The following VMP1 variants were observed in gnomAD, a reference collection of about 807,000 sequenced individuals.
The protein encoded by VMP1 is vacuole membrane protein 1.
Under a neutral mutation model 56.0 loss-of-function variants are expected in VMP1, and 11 were observed. The ratio of observed to expected loss-of-function variants is 0.20; its 90% confidence interval spans 0.12 to 0.32. VMP1 has a LOEUF of 0.32. VMP1 is among the 10% of genes least tolerant of loss of function. VMP1 has a pLI of 1.00. For missense variants in VMP1, 296 were observed against 490.3 expected (o/e 0.60, Z 3.74); for synonymous variants, 149 against 165.0 (o/e 0.90, Z 0.74).
chr17:59,755,328 T>C (rs1013921061), intron 5 of VMP1, among the ~76,000 whole-genome samples: 3 of 152,192 alleles, frequency 2.0e-5, no homozygotes, highest in Admixed American at 6.5e-5. Context: ...CAGGCTGGTC[T>C]CGAACTCCTG....
Position 59,840,160 on chromosome 17 carries a change from T to C in VMP1, c.*249T>C. ...TGGAATGTGATGTTCAGCAGCAAACTTGCAACAGACTGGCCTTCTGTTTGT... is the reference window on the plus strand; with the variant it reads ...TGGAATGTGATGTTCAGCAGCAAACCTGCAACAGACTGGCCTTCTGTTTGT... On this transcript the variant is annotated 3_prime_UTR_variant, in exon 12 of 12. Transcript: ENST00000262291. 1 of 435,084 alleles carries C rather than the reference T, an allele frequency of 2.3e-6. No individual in the cohort carries two copies. The highest frequency in any genetic ancestry group is 4.0e-6 in the Non-Finnish European group (1 of 247,254). 27.0% of individuals were successfully genotyped at this position (435,084 alleles called of 1,614,324 possible).
intron 7 of VMP1, among the ~76,000 whole-genome samples, chr17:59,791,132 A>T (rs539850790): frequency 1.3e-5 from 2 of 151,654 alleles, no homozygotes; most frequent in East Asian, 3.9e-4. Context: ...CCTGTTTAGC[A>T]ATGCATTTTG....
chr17:59,784,544 C>T (rs149015775), intron 7 of VMP1, among the ~76,000 whole-genome samples: 8 of 152,292 alleles, frequency 5.3e-5, no homozygotes, highest in African/African-American at 1.9e-4. Context: ...TCTTATCTCT[C>T]CAGGAGTCTA....
chr17:59,785,791 G>A lies in VMP1; in HGVS notation c.714+11906G>A, dbSNP rs137969742. ...GTTGAGTATCGTTCATGAGTCTGCC[G>A]ACCATTTTAGGTTGAATATTTCCTC... On this transcript the variant is annotated intron_variant, in intron 7 of 11. Transcript: ENST00000262291. Among the ~76,000 whole-genome samples the A allele has an allele frequency of 2.6e-3, 400 of 151,308 alleles. 2 individuals are homozygous for A. Among genetic ancestry groups the A allele is most frequent in the African/African-American group, 8.4e-3 (347 of 41,282 alleles).
rs2039175385 is a variant in VMP1 at position 59,842,129 on chromosome 17, A to G, written c.*2218A>G. ...TATCCACCAAAGTGGAGACAAATAC[A>G]TGATCTCAAAGATACACAGTACCTA... On this transcript the variant is annotated 3_prime_UTR_variant, in exon 12 of 12. Transcript: ENST00000262291. 6.6e-6 allele frequency: 1 copy of G among 152,318 alleles called. No homozygotes were observed. The highest frequency in any genetic ancestry group is 2.1e-4 in the South Asian group (1 of 4,832). The allele number at this position is 152,318 out of a possible 1,614,324, so 9.4% of individuals were successfully genotyped here. A position where few individuals can be genotyped will look rare whatever the true frequency, so the allele number is the denominator to read the frequency against.
At chr17:59,801,112 ATGTGTGTGTGTG>A (rs71145573) in intron 7 of VMP1, among the ~76,000 whole-genome samples, 26 of 110,318 alleles carry the variant, frequency 2.4e-4, no homozygotes, top group African/African-American at 6.6e-4. Flanking sequence ...ATATATATAT[ATGTGTGTGTGTG>A]TGTGTGTGTG....
chr17:59,725,887 G>T (rs2034583189), intron 1 of VMP1, among the ~76,000 whole-genome samples: 1 of 152,158 alleles, frequency 6.6e-6, no homozygotes, highest in African/African-American at 2.4e-5. Context: ...TGTTGCAATA[G>T]CTTAAAAACA....
At chr17:59,755,556 A>T (rs9901254) in intron 5 of VMP1, among the ~76,000 whole-genome samples, 22,879 of 152,096 alleles carry the variant, frequency 0.15, 2,174 homozygotes, top group African/African-American at 0.26. Context: ...TTTATAGTAT[A>T]ATCTCATATT....
chr17:59,820,396 C>G (rs763885312), intron 10 of VMP1, among the ~76,000 whole-genome samples: 1 of 152,170 alleles, frequency 6.6e-6, no homozygotes, highest in East Asian at 1.9e-4. Flanking sequence ...TCTTCCTCCT[C>G]TACTCACTGC....
intron 7 of VMP1, among the ~76,000 whole-genome samples, chr17:59,779,649 T>G (rs953033417): frequency 6.6e-6 from 1 of 152,200 alleles, no homozygotes; most frequent in African/African-American, 2.4e-5. Flanking sequence ...AGTATTCCAG[T>G]TGTGTATTAC....
At chr17:59,787,222 G>C (rs1598393234) in intron 7 of VMP1, among the ~76,000 whole-genome samples, 1 of 152,136 alleles carries the variant, frequency 6.6e-6, no homozygotes, top group African/African-American at 2.4e-5. Flanking sequence ...AGCACACTTA[G>C]CATGATTTAT....
intron 8 of VMP1, 79 bp downstream of exon 8, chr17:59,808,955 A>G: frequency 2.5e-6 from 3 of 1,184,400 alleles, no homozygotes; most frequent in South Asian, 1.4e-5. Flanking sequence ...CTGAATTAAC[A>G]AAAGTGCTAT....
chr17:59,841,257 G>A lies in VMP1; in HGVS notation c.*1346G>A. On this transcript the variant is annotated 3_prime_UTR_variant, in exon 12 of 12. Transcript: ENST00000262291. ...CTACCATCGTGACATCTCCATGGCT[G>A]TACCACCTTGTCGGGTAGCTTATCA... The A allele has an allele frequency of 2.0e-6, 1 of 500,534 alleles. No homozygotes were observed. The highest frequency in any genetic ancestry group is 4.3e-6 in the Non-Finnish European group (1 of 233,312). 31.0% of individuals were successfully genotyped at this position (500,534 alleles called of 1,614,324 possible). A position where few individuals can be genotyped will look rare whatever the true frequency, so the allele number is the denominator to read the frequency against.
chr17:59,773,702 T>C, intron 6 of VMP1, 52 bp from the exon 7 acceptor site: 31 of 1,523,024 alleles, frequency 2.0e-5, no homozygotes, highest in Non-Finnish European at 2.7e-5. Flanking sequence ...ATCTATTAAG[T>C]GTCACTGTTG....
intron 2 of VMP1, 33 bp downstream of exon 2, chr17:59,731,555 A>G (rs370802656): frequency 7.0e-7 from 1 of 1,438,740 alleles, no homozygotes; most frequent in Non-Finnish European, 9.3e-7. Flanking sequence ...GAGGAGTGCT[A>G]TGGGTTTAAA....
At chr17:59,716,596 T>C (rs918952168) in intron 1 of VMP1, among the ~76,000 whole-genome samples, 3 of 152,214 alleles carry the variant, frequency 2.0e-5, no homozygotes, top group Admixed American at 2.0e-4. Flanking sequence ...ATTTATATGC[T>C]GCCGACTTGC....
At chr17:59,784,603 T>C (rs1285693116) in intron 7 of VMP1, among the ~76,000 whole-genome samples, 1 of 152,228 alleles carries the variant, frequency 6.6e-6, no homozygotes, top group Non-Finnish European at 1.5e-5. Flanking sequence ...CAACAATGCC[T>C]GCCTACTGTT....
At chr17:59,786,867 A>G (rs2037024380) in intron 7 of VMP1, among the ~76,000 whole-genome samples, 3 of 152,250 alleles carry the variant, frequency 2.0e-5, no homozygotes, top group Non-Finnish European at 4.4e-5. Flanking sequence ...CAACTTTACC[A>G]TAGTGAACAT....
At chr17:59,784,743 G>A (rs2036949303) in intron 7 of VMP1, 2 of 152,150 alleles carry the variant, frequency 1.3e-5, no homozygotes, top group Admixed American at 6.5e-5. Flanking sequence ...TTGAACAACA[G>A]TAATTTTACA....
Sources: allele counts gnomAD v4.1 joint callset (sites outside exome capture counted in the v4.1 genomes callset), GRCh38; gene constraint gnomAD v4.1.1; transcripts MANE v1.5; gene names NCBI Gene and HGNC (gene_info 2026-07-23, HGNC 2026-07-21).